The following SGCD variants were observed in gnomAD, a reference collection of about 807,000 sequenced individuals.
The protein encoded by SGCD is delta-sarcoglycan.
Under a neutral mutation model 36.6 loss-of-function variants are expected in SGCD, and 18 were observed. That is an observed-to-expected ratio of 0.49 (90% CI 0.34 to 0.73). The LOEUF is 0.73. Among genes scored for constraint, SGCD ranks in the 30% least tolerant of loss-of-function variants. The pLI is 0.01. For synonymous variants in SGCD, 133 were observed against 130.6 expected (o/e 1.02, Z -0.12); for missense variants, 387 against 346.7 (o/e 1.12, Z -0.92).
chr5:156,318,602 T>C (rs1424955719), intron 3 of SGCD, among the ~76,000 whole-genome samples: 1 of 151,902 alleles, frequency 6.6e-6, no homozygotes, highest in Admixed American at 6.6e-5. Context: ...TCTTTTTTTT[T>C]TTTTTTTGAG....
chr5:155,856,956 A>G, the SGCD span, among the ~76,000 whole-genome samples: 1 of 152,204 alleles, frequency 6.6e-6, no homozygotes, highest in Non-Finnish European at 1.5e-5. Context: ...TAAACAGGCC[A>G]GGTGCAGTGG....
rs115396768 is a variant in SGCD, at chr5:155,985,450, C to T, written c.-282+115026C>T. On this transcript the variant is annotated intron_variant, in intron 1 of 9. Coordinates refer to the SGCD transcript ENST00000517913. ...TCGTCCTCTAATTTCCTCTTCTTTC[C>T]GCCTCCTCTTTTAAGTGCTCCTATG... Among the ~76,000 whole-genome samples, 517 of 152,202 alleles carry T rather than the reference C, an allele frequency of 3.4e-3. 4 individuals are homozygous for T. Among genetic ancestry groups the T allele is most frequent in the African/African-American group, 0.011 (453 of 41,526 alleles).
chr5:156,397,791 C>T (rs1025055550), intron 3 of SGCD, among the ~76,000 whole-genome samples: 3 of 152,138 alleles, frequency 2.0e-5, no homozygotes, highest in African/African-American at 7.2e-5. Context: ...TTTTAAATGC[C>T]GAGTTCCAAG....
At chr5:156,208,160 C>G (rs866171595) in intron 3 of SGCD, among the ~76,000 whole-genome samples, 10 of 152,096 alleles carry the variant, frequency 6.6e-5, no homozygotes, top group African/African-American at 2.4e-4. Flanking sequence ...TCCAAGAAAG[C>G]CTTTTACATG....
chr5:155,988,814 T>C (rs1482881436), intron 1 of SGCD, among the ~76,000 whole-genome samples: 1 of 152,200 alleles, frequency 6.6e-6, no homozygotes, highest in African/African-American at 2.4e-5. Flanking sequence ...AATGTGAGAC[T>C]TAAGTGAAAC....
intron 3 of SGCD, among the ~76,000 whole-genome samples, chr5:156,160,571 A>C (rs74924152): frequency 0.014 from 2,119 of 151,800 alleles, 94 homozygotes; most frequent in African/African-American, 0.039. Flanking sequence ...TGCTTTGTTG[A>C]GTTATATTTC....
chr5:156,454,096 T>A (rs1754145867), intron 3 of SGCD, among the ~76,000 whole-genome samples: 1 of 152,170 alleles, frequency 6.6e-6, no homozygotes, highest in Non-Finnish European at 1.5e-5. Flanking sequence ...TAAAAAAGTG[T>A]GCTTGATTAT....
intron 1 of SGCD, among the ~76,000 whole-genome samples, chr5:155,937,689 C>A (rs1050275371): frequency 6.6e-6 from 1 of 152,048 alleles, no homozygotes; most frequent in African/African-American, 2.4e-5. Flanking sequence ...AGTTTCTGAC[C>A]CCAAAGAGCT....
chr5:156,406,787 ATT>A (rs1194356968), intron 3 of SGCD, among the ~76,000 whole-genome samples: 4 of 45,752 alleles, frequency 8.7e-5, no homozygotes, highest in East Asian at 8.6e-4. Flanking sequence ...CTAATAGGAG[ATT>A]TTATATATAT....
intron 4 of SGCD, among the ~76,000 whole-genome samples, chr5:156,533,744 A>G (rs970246680): frequency 6.6e-6 from 1 of 152,200 alleles, no homozygotes; most frequent in Admixed American, 6.5e-5. Flanking sequence ...TTAGGGCTTA[A>G]TTACCTGTGG....
intron 3 of SGCD, among the ~76,000 whole-genome samples, chr5:156,252,426 C>T (rs560266073): frequency 3.3e-5 from 5 of 152,168 alleles, no homozygotes; most frequent in African/African-American, 1.2e-4. Flanking sequence ...TGGAAGTACA[C>T]GAATCATACA....
the SGCD span, among the ~76,000 whole-genome samples, chr5:155,761,553 A>G: frequency 2.3e-5 from 3 of 130,696 alleles, no homozygotes; most frequent in Admixed American, 8.1e-5. Flanking sequence ...CATCCTCACC[A>G]TCACCCTCTC....
At chr5:155,960,327 A>G (rs570693315) in intron 1 of SGCD, among the ~76,000 whole-genome samples, 7 of 152,008 alleles carry the variant, frequency 4.6e-5, no homozygotes, top group Non-Finnish European at 1.0e-4. Context: ...ATGACAGAAC[A>G]TTTATCCACA....
chr5:156,647,240 T>A (rs39925), intron 6 of SGCD, among the ~76,000 whole-genome samples: 2 of 151,980 alleles, frequency 1.3e-5, no homozygotes, highest in Admixed American at 1.3e-4. Context: ...CTCACTCTGA[T>A]CTCAGCAAGA....
intron 1 of SGCD, among the ~76,000 whole-genome samples, chr5:156,079,009 G>C (rs562147680): frequency 1.8e-4 from 26 of 145,474 alleles, no homozygotes; most frequent in Middle Eastern, 3.2e-3. Flanking sequence ...GCTGAGACTG[G>C]GTAATTTGTA....
intron 3 of SGCD, among the ~76,000 whole-genome samples, chr5:156,207,011 C>A (rs1299571884): frequency 1.3e-5 from 2 of 151,900 alleles, no homozygotes; most frequent in African/African-American, 4.8e-5. Context: ...ATAAAATGTT[C>A]TTTTATTGGT....
intron 3 of SGCD, among the ~76,000 whole-genome samples, chr5:156,181,619 GGGCAGTAGGGCT>G (rs2127627364): frequency 6.6e-6 from 1 of 152,244 alleles, no homozygotes; most frequent in East Asian, 1.9e-4. Context: ...ACTAGGTATG[GGGCAGTAGGGCT>G]GGCAGTTAAA....
At chr5:156,080,651 A>G (rs1760925571) in intron 1 of SGCD, among the ~76,000 whole-genome samples, 1 of 152,216 alleles carries the variant, frequency 6.6e-6, no homozygotes, top group Non-Finnish European at 1.5e-5. Context: ...AAACTTCCAC[A>G]GATCCCTAGG....
At chr5:156,570,249 C>G (rs1759664039) in intron 4 of SGCD, among the ~76,000 whole-genome samples, 1 of 152,078 alleles carries the variant, frequency 6.6e-6, no homozygotes, top group Non-Finnish European at 1.5e-5. Context: ...TGAACTAGGA[C>G]ATTATTTTTG....
Sources: gnomAD v4.1 joint callset for allele counts (sites outside exome capture counted in the v4.1 genomes callset) on GRCh38, gnomAD v4.1.1 for gene constraint, MANE v1.5 for transcripts, NCBI Gene and HGNC (gene_info 2026-07-23, HGNC 2026-07-21) for gene names.